The following ZNF831 variants were observed in gnomAD, a reference collection of about 807,000 sequenced individuals.
ZNF831 encodes the protein chromosome 20 open reading frame 174.
In ZNF831, 59 loss-of-function variants were observed where a neutral mutation model predicts 95.8. The observed-to-expected ratio is 0.62, with a 90% CI of 0.50 to 0.77. The LOEUF (loss-of-function observed/expected upper bound fraction) is 0.77. Among genes scored for constraint, ZNF831 ranks in the 30% least tolerant of loss-of-function variants. ZNF831 has a pLI of 0.00. For synonymous variants in ZNF831, 961 were observed against 925.5 expected, an observed-to-expected ratio of 1.04 and a Z score of -0.70; for missense variants, 2,205 against 2,164.0, an observed-to-expected ratio of 1.02 and a Z score of -0.38.
In ZNF831 at chr20:59,192,824, C is replaced by T. The variant is rs1568755154; in HGVS notation, c.1805C>T (p.Ala602Val). The T allele has an allele frequency of 6.2e-7, 1 of 1,609,260 alleles. No individual in the cohort carries two copies. The highest frequency in any genetic ancestry group is 8.5e-7 in the Non-Finnish European group (1 of 1,178,000). The change falls in exon 2 of 6, where the codon GCG becomes GTG. Residue 602 changes from alanine (A) to valine (V), a missense_variant. Transcript: ENST00000371030. This position sits in a 1 kb window ranked among gnomAD's most constrained non-coding sequence, Gnocchi z 5.2. ...GAGGCCATGGCCGGCAAGGGCAGAGCGGGCGGCAGGAAGTGCGGCCAGAGA... is the reference window on the plus strand; with the variant it reads ...GAGGCCATGGCCGGCAAGGGCAGAGTGGGCGGCAGGAAGTGCGGCCAGAGA... ...AREAMAGKGR[A>V]GGRKCGQRRL...
At chr20:59,235,118 C>T (rs1986929065) in intron 4 of ZNF831, among the ~76,000 whole-genome samples, 3 of 152,098 alleles carry the variant, frequency 2.0e-5, no homozygotes, top group South Asian at 2.1e-4. Context: ...GTAGGATGTC[C>T]CTCTACTGGG....
At chr20:59,187,022 G>A (rs1199079608) in intron 1 of ZNF831, among the ~76,000 whole-genome samples, 1 of 152,046 alleles carries the variant, frequency 6.6e-6, no homozygotes, top group African/African-American at 2.4e-5. Flanking sequence ...AGTTCAAGCT[G>A]TGAACATGAT....
chr20:59,193,755 C>T lies in ZNF831; in HGVS notation c.2736C>T (p.Ala912=), dbSNP rs1379216905. 1 of 1,608,874 alleles carries T rather than the reference C, an allele frequency of 6.2e-7. No individual in the cohort carries two copies. Among genetic ancestry groups the T allele is most frequent in the Non-Finnish European group, 8.5e-7 (1 of 1,177,316 alleles). The stretch of plus-strand genomic sequence containing the variant: ...CCCCACTGCATCCTGCAGCCCCAGC[C>T]CCCGCAGAGCACCCCTCGCTGGCCA... ...KATPLHPAAP[A]PAEHPSLATP... is the part of the protein sequence containing the mutation. Residue 912 remains alanine, a synonymous_variant, in exon 2 of 6, where the codon GCC becomes GCT. Coordinates refer to ENST00000371030, the MANE Select transcript of ZNF831 (RefSeq NM_178457.3).
chr20:59,241,239 T>G (rs971371708), intron 4 of ZNF831, among the ~76,000 whole-genome samples: 10 of 152,096 alleles, frequency 6.6e-5, no homozygotes, highest in African/African-American at 2.2e-4. Context: ...GATCTCTTCA[T>G]AGCAGAGCAG....
At chr20:59,252,158 G>A (rs425881) in intron 4 of ZNF831, among the ~76,000 whole-genome samples, 34,337 of 152,172 alleles carry the variant, frequency 0.23, 4,585 homozygotes, top group East Asian at 0.61. Context: ...TCCCGAATGG[G>A]AAAAGATGGA....
intron 4 of ZNF831, among the ~76,000 whole-genome samples, chr20:59,235,274 GCACCCGGCCA>G (rs1301645878): frequency 1.3e-5 from 2 of 152,148 alleles, no homozygotes; most frequent in African/African-American, 4.8e-5. Flanking sequence ...CTGACCTCGA[GCACCCGGCCA>G]CAGTCATTTT....
At chr20:59,205,820 C>G (rs959132603) in intron 3 of ZNF831, among the ~76,000 whole-genome samples, 5 of 152,196 alleles carry the variant, frequency 3.3e-5, no homozygotes, top group African/African-American at 1.2e-4. Context: ...CTCTTCGTCT[C>G]ATTCTTTTGC....
chr20:59,179,891 T>C (rs1982479205), intron 1 of ZNF831, among the ~76,000 whole-genome samples: 1 of 152,156 alleles, frequency 6.6e-6, no homozygotes, highest in South Asian at 2.1e-4. Context: ...CATGCTTCCC[T>C]TACATAAAGC....
chr20:59,143,648 G>A (rs1042821022), intron 1 of ZNF831, among the ~76,000 whole-genome samples: 1 of 152,172 alleles, frequency 6.6e-6, no homozygotes, highest in African/African-American at 2.4e-5. Flanking sequence ...GGGTCCTTCT[G>A]GGGAGGAGGA....
intron 3 of ZNF831, among the ~76,000 whole-genome samples, chr20:59,196,591 A>C (rs1306073305): frequency 6.6e-6 from 1 of 152,134 alleles, no homozygotes; most frequent in Non-Finnish European, 1.5e-5. Context: ...GTTGCATACA[A>C]GTTGAAAAGC....
chr20:59,174,741 A>C (rs1415331149), intron 1 of ZNF831, among the ~76,000 whole-genome samples: 2 of 151,754 alleles, frequency 1.3e-5, no homozygotes, highest in African/African-American at 4.8e-5. Flanking sequence ...AACAAAAAAA[A>C]CAAAAAACAA....
intron 1 of ZNF831, among the ~76,000 whole-genome samples, chr20:59,186,258 T>C (rs895106272): frequency 9.2e-5 from 14 of 152,098 alleles, no homozygotes; most frequent in African/African-American, 3.4e-4. Context: ...ATAAAATACT[T>C]GGGAATGGAA....
Position 59,193,552 on chromosome 20 carries a change from G to A in ZNF831, c.2533G>A (p.Gly845Ser). 1 of 1,605,678 alleles carries A rather than the reference G, an allele frequency of 6.2e-7. No individual in the cohort carries two copies. The highest frequency in any genetic ancestry group is 1.3e-5 in the African/African-American group (1 of 74,828). ...AGAGCCTGTGAGCGCAGAGACCCCA[G>A]GTGGGCCCACGCAGCCTGCCTCTTT... ...QPEPVSAETPGGPTQPASLSS... is the reference protein window; with the variant it reads ...QPEPVSAETPSGPTQPASLSS... The change falls in exon 2 of 6, where the codon GGT (glycine) becomes AGT (serine). Residue 845 changes from glycine (G) to serine (S), a missense_variant. Transcript: ENST00000371030.
In ZNF831 at chr20:59,192,961, G is replaced by A. The variant is rs2146574884; in HGVS notation, c.1942G>A (p.Val648Met). The stretch of plus-strand genomic sequence containing the variant: ...CCATGGAGGCAAGAAAGCCAGGGAG[G>A]TGGGAATGGGCAGTGGGGCAGAACT... ...SPHGGKKARE[V>M]GMGSGAELGF... The change falls in exon 2 of 6, where the codon GTG becomes ATG. Residue 648 changes from valine (V) to methionine (M), a missense_variant. Transcript: ENST00000371030. This position sits in a 1 kb window ranked among gnomAD's most constrained non-coding sequence, Gnocchi z 5.2. The A allele has an allele frequency of 1.3e-6, 2 of 1,598,068 alleles. No homozygotes were observed. The highest frequency in any genetic ancestry group is 2.2e-5 in the East Asian group (1 of 44,862).
intron 1 of ZNF831, among the ~76,000 whole-genome samples, chr20:59,186,868 G>A (rs1983088935): frequency 6.6e-6 from 1 of 151,994 alleles, no homozygotes; most frequent in South Asian, 2.1e-4. Context: ...GACAGAGAGT[G>A]GGTGCAATGG....
At chr20:59,198,293 A>T (rs1342648912) in intron 3 of ZNF831, among the ~76,000 whole-genome samples, 1 of 152,184 alleles carries the variant, frequency 6.6e-6, no homozygotes, top group Non-Finnish European at 1.5e-5. Flanking sequence ...CAGCCACATA[A>T]TTAGATGTAA....
chr20:59,138,301 T>C (rs997951696), intron 1 of ZNF831, among the ~76,000 whole-genome samples: 1 of 152,208 alleles, frequency 6.6e-6, no homozygotes, highest in South Asian at 2.1e-4. Context: ...TTCTGGGGCA[T>C]GACTGGGCTT....
chr20:59,219,501 G>C (rs1018724911), intron 4 of ZNF831, among the ~76,000 whole-genome samples: 6 of 152,150 alleles, frequency 3.9e-5, no homozygotes, highest in African/African-American at 1.4e-4. Flanking sequence ...GCTTCCAAAT[G>C]AGGGATCCTG....
chr20:59,228,828 ATCT>A (rs1209066156), intron 4 of ZNF831, among the ~76,000 whole-genome samples: 1 of 152,202 alleles, frequency 6.6e-6, no homozygotes. Flanking sequence ...AACATTATAA[ATCT>A]TCTAGCTATT....
Sources: allele counts gnomAD v4.1 joint callset (sites outside exome capture counted in the v4.1 genomes callset), GRCh38; gene constraint gnomAD v4.1.1; non-coding constraint Gnocchi (gnomAD v3.1); transcripts MANE v1.5; gene names NCBI Gene and HGNC (gene_info 2026-07-23, HGNC 2026-07-21).